TSPOAP1: variants seen among roughly 807,000 people sequenced by gnomAD.
TSPOAP1 encodes the protein peripheral-type benzodiazepine receptor-associated protein 1.
A neutral mutation model predicts 197.0 loss-of-function variants in TSPOAP1; 87 were observed. The observed-to-expected ratio is 0.44, with a 90% CI of 0.37 to 0.53. The LOEUF (loss-of-function observed/expected upper bound fraction) is 0.53. Ranked by LOEUF, TSPOAP1 falls within the 20% of genes least tolerant of loss-of-function variation. The pLI, the probability that TSPOAP1 is intolerant of heterozygous loss-of-function variation, is 0.00. For synonymous variants in TSPOAP1, 913 were observed against 998.9 expected, an observed-to-expected ratio of 0.91 and a Z score of 1.62; for missense variants, 2,174 against 2,411.3, an observed-to-expected ratio of 0.90 and a Z score of 2.06.
Position 58,322,072 on chromosome 17 carries a change from C to G in TSPOAP1, c.1422+236G>C. ...ATGACCTCTAAAGTGGCTCCTCACC[C>G]CATCCCAGTCACTTTGTCACATCAC... On this transcript the variant is annotated intron_variant, in intron 10 of 31. Coordinates refer to ENST00000343736, the MANE Select transcript of TSPOAP1 (RefSeq NM_004758.4). The surrounding 1 kb of genome is among the most constrained non-coding windows in gnomAD (Gnocchi z 5.0). 1 of 539,484 alleles carries G rather than the reference C, an allele frequency of 1.9e-6. No individual in the cohort carries two copies. Among genetic ancestry groups the G allele is most frequent in the Non-Finnish European group, 3.3e-6 (1 of 305,094 alleles). 33.4% of individuals were successfully genotyped at this position (539,484 alleles called of 1,614,324 possible).
Position 58,305,084 on chromosome 17 carries a change from T to C in TSPOAP1, c.5521A>G (p.Arg1841Gly). ...ACCTGACTCTCAGCCTGGGGTGTCC[T>C]GGGTTCCCTGTCCAGGCCGCCTGCC... ...PEAGGLDREP[R>G]TPQAESQRTR... The change falls in exon 30 of 32, where the codon AGG becomes GGG. Residue 1841 changes from arginine (R) to glycine (G), a missense_variant. By Grantham distance (125) the Arg-to-Gly change is moderately radical. Transcript: ENST00000343736. The C allele has an allele frequency of 1.2e-6, 2 of 1,613,926 alleles. No individual in the cohort carries two copies. The highest frequency in any genetic ancestry group is 1.7e-6 in the Non-Finnish European group (2 of 1,179,894).
In TSPOAP1 at chr17:58,323,312, G is replaced by A. The variant is rs754987164; in HGVS notation, c.1090C>T (p.Arg364Ter). The change falls in exon 7 of 32, where the codon CGA (arginine) becomes TGA (stop). Residue 364 changes from arginine (R) to a stop codon, truncating the protein, a stop_gained. Coordinates refer to ENST00000343736, the MANE Select transcript of TSPOAP1 (RefSeq NM_004758.4). LOFTEE classifies it high-confidence loss of function. ...CAAGAGCTCACCAGCTCCTCACATC[G>A]CCTCTGCTTTTTCCGGGCTTCCTGC... ...LEQEARKKQR[R>*]CEELELQLRQ... The A allele has an allele frequency of 5.6e-6, 9 of 1,614,082 alleles. No individual in the cohort carries two copies. Among genetic ancestry groups the A allele is most frequent in the Non-Finnish European group, 6.8e-6 (8 of 1,179,996 alleles).
chr17:58,318,977 C>A (rs921030094), intron 13 of TSPOAP1, 113 bp downstream of exon 13: 4 of 1,208,846 alleles, frequency 3.3e-6, no homozygotes, highest in East Asian at 2.6e-5. Flanking sequence ...ACAGCTCTAA[C>A]CTGCTGTGTG....
Position 58,304,218 on chromosome 17 carries a change from C to A in TSPOAP1, c.*32+120G>T. The A allele has an allele frequency of 1.2e-6, 1 of 813,202 alleles. No individual in the cohort carries two copies. The highest frequency in any genetic ancestry group is 1.7e-5 in the South Asian group (1 of 58,902). 50.4% of individuals were successfully genotyped at this position (813,202 alleles called of 1,614,324 possible). On this transcript the variant is annotated intron_variant, in intron 31 of 31. Transcript: ENST00000343736. The surrounding 1 kb of genome is among the most constrained non-coding windows in gnomAD (Gnocchi z 4.2). ...CTGGCTCATGGCAAGCTCTCCTTCG[C>A]CATTCCCTGGACTACAGTGGGAAAG... is the stretch of plus-strand genomic sequence containing the variant.
rs900750241 is a variant in TSPOAP1, at chr17:58,309,525, G to C, written c.3892-145C>G. 2 of 1,183,992 alleles carry C rather than the reference G, an allele frequency of 1.7e-6. No homozygotes were observed. The highest frequency in any genetic ancestry group is 5.7e-5 in the Admixed American group (2 of 34,866). The allele number at this position is 1,183,992 out of a possible 1,614,324, so 73.3% of individuals were successfully genotyped here. A position where few individuals can be genotyped will look rare whatever the true frequency, so the allele number is the denominator to read the frequency against. On this transcript the variant is annotated intron_variant, in intron 21 of 31. Transcript: ENST00000343736. This position sits in a 1 kb window ranked among gnomAD's most constrained non-coding sequence, Gnocchi z 5.0. ...GCCCTCCCACGGCTTCCTCCGAGAG[G>C]AGAGAACCAGAGGGACGGTGGCTGG...
At chr17:58,323,631 T>TCCCA in intron 5 of TSPOAP1, 86 bp from the exon 6 acceptor site, 1 of 1,381,234 alleles carries the variant, frequency 7.2e-7, no homozygotes, top group Non-Finnish European at 9.9e-7. Context: ...CAGAGCAGGT[T>TCCCA]CCCACCCCAT....
At chr17:58,321,301 T>C (rs767866673) in intron 10 of TSPOAP1, among the ~76,000 whole-genome samples, 11 of 76,380 alleles carry the variant, frequency 1.4e-4, no homozygotes, top group South Asian at 1.0e-3. Context: ...TTGTCAATTC[T>C]TTTTTTTTTT....
chr17:58,302,269 C>G lies in TSPOAP1; in HGVS notation c.*211G>C. On this transcript the variant is annotated 3_prime_UTR_variant, in exon 32 of 32. Coordinates refer to ENST00000343736, the MANE Select transcript of TSPOAP1 (RefSeq NM_004758.4). ...CTGCCTGCAGGATGGGCCACAGCTT[C>G]ACTCCTTCTTCCCAGAGCCCAGCCT... The G allele has an allele frequency of 7.8e-7, 1 of 1,289,622 alleles. No individual in the cohort carries two copies. Among genetic ancestry groups the G allele is most frequent in the South Asian group, 1.2e-5 (1 of 81,034 alleles). 79.9% of individuals were successfully genotyped at this position (1,289,622 alleles called of 1,614,324 possible). A position where few individuals can be genotyped will look rare whatever the true frequency, so the allele number is the denominator to read the frequency against.
In TSPOAP1 at chr17:58,307,915, C is replaced by G; in HGVS notation, c.4758G>C (p.Gly1586=). The G allele has an allele frequency of 6.2e-7, 1 of 1,613,042 alleles. No individual in the cohort carries two copies. The highest frequency in any genetic ancestry group is 8.5e-7 in the Non-Finnish European group (1 of 1,179,836). ...GGCCCCTCCGCCCAGAGCCGTCCTG[C>G]CCTCTGGCCTCTCCGGTCTCTGTTG... ...SRATETGEAR[G]QDGSGRRGPQ... The change falls in exon 23 of 32, where the codon GGG becomes GGC. Residue 1586 remains glycine (G), a synonymous_variant. Transcript: ENST00000343736.
At position 58,326,657 on chromosome 17, in the gene TSPOAP1, G is replaced by T. The variant is rs748470824; in HGVS notation, c.441+26C>A. The T allele has an allele frequency of 7.5e-6, 12 of 1,608,868 alleles. No homozygotes were observed. Among genetic ancestry groups the T allele is most frequent in the Non-Finnish European group, 1.0e-5 (12 of 1,175,692 alleles). On this transcript the variant is annotated intron_variant, in intron 2 of 31. Coordinates refer to ENST00000343736, the MANE Select transcript of TSPOAP1 (RefSeq NM_004758.4). This position sits in a 1 kb window ranked among gnomAD's most constrained non-coding sequence, Gnocchi z 4.7. ...CAGAGGGCCTGGCTCCAGCCAGAAC[G>T]CAGCACCCCAGTCTCCAAGCCTCAC...
rs576645125 is a variant in TSPOAP1 at position 58,309,757 on chromosome 17, A to G, written c.3891+210T>C. 4.6e-5 allele frequency among the ~76,000 whole-genome samples: 7 copies of G among 152,302 alleles called. No homozygotes were observed. The East Asian group carries it at 1.2e-3, about 25-fold the overall frequency. Reference sequence around the variant, plus strand: ...CTGGTGGGCTGGAGGGAGAGAAGGTACAGAAATGAACTCCTCCCCTTCCCC... The same window carrying G: ...CTGGTGGGCTGGAGGGAGAGAAGGTGCAGAAATGAACTCCTCCCCTTCCCC... On this transcript the variant is annotated intron_variant, in intron 21 of 31. Coordinates refer to ENST00000343736, the MANE Select transcript of TSPOAP1 (RefSeq NM_004758.4). This position sits in a 1 kb window ranked among gnomAD's most constrained non-coding sequence, Gnocchi z 5.0.
chr17:58,307,022 G>T, intron 24 of TSPOAP1, 54 bp from the exon 25 acceptor site: 2 of 1,562,384 alleles, frequency 1.3e-6, no homozygotes, highest in South Asian at 2.3e-5. Flanking sequence ...TATGCCCCTA[G>T]GCCCCGAACC....
rs1457622404 is a variant in TSPOAP1, at chr17:58,310,668, G to A, written c.3543C>T (p.Pro1181=). The change falls in exon 20 of 32, where the codon CCC becomes CCT. Residue 1181 remains proline (P), a synonymous_variant. Coordinates refer to ENST00000343736, the MANE Select transcript of TSPOAP1 (RefSeq NM_004758.4). ...TSTLGEKDPG[P]AAPSLAKQEA... Reference sequence around the variant, plus strand: ...CCTGCTTGGCCAGTGAGGGAGCTGCGGGGCCAGGGTCCTTCTCACCCAGGG... The same window carrying A: ...CCTGCTTGGCCAGTGAGGGAGCTGCAGGGCCAGGGTCCTTCTCACCCAGGG... 20 of 1,612,726 alleles carry A rather than the reference G, an allele frequency of 1.2e-5. No individual in the cohort carries two copies. The highest frequency in any genetic ancestry group is 2.2e-5 in the East Asian group (1 of 44,862).
chr17:58,310,178 G>A lies in TSPOAP1; in HGVS notation c.3700-20C>T. The A allele has an allele frequency of 1.2e-6, 2 of 1,607,266 alleles. No individual in the cohort carries two copies. Among genetic ancestry groups the A allele is most frequent in the Non-Finnish European group, 1.7e-6 (2 of 1,177,530 alleles). ...CTCCTTCTGCAAGAAGTGAGGCAAG[G>A]CAGGAGAGATAAGGACAGTGAGGGG... On this transcript the variant is annotated intron_variant, in intron 20 of 31. Transcript: ENST00000343736.
Position 58,328,079 on chromosome 17 carries a change from G to C in TSPOAP1, c.-159C>G. 1 of 690,994 alleles carries C rather than the reference G, an allele frequency of 1.4e-6. No homozygotes were observed. Among genetic ancestry groups the C allele is most frequent in the Non-Finnish European group, 2.4e-6 (1 of 421,288 alleles). 42.8% of individuals were successfully genotyped at this position (690,994 alleles called of 1,614,324 possible). ...GCTGAGCTCTTCCCCACCCACAAAG[G>C]AGGCTGCAGAAGGCGCCAGGGCTGC... On this transcript the variant is annotated 5_prime_UTR_variant, in exon 1 of 32. Coordinates refer to ENST00000343736, the MANE Select transcript of TSPOAP1 (RefSeq NM_004758.4). The surrounding 1 kb of genome is among the most constrained non-coding windows in gnomAD (Gnocchi z 4.3).
At position 58,309,019 on chromosome 17, in the gene TSPOAP1, C is replaced by T. The variant is rs749779228; in HGVS notation, c.4253G>A (p.Arg1418His). The change falls in exon 22 of 32, where the codon CGC (arginine) becomes CAC (histidine). Residue 1418 changes from arginine to histidine, a missense_variant. By Grantham distance (29) the Arg-to-His change is conservative (BLOSUM62 0). This residue lies in a region of TSPOAP1 where 1,933 missense variants were observed against 2,139.0 expected (regional missense o/e 0.90). Transcript: ENST00000343736. The surrounding 1 kb of genome is among the most constrained non-coding windows in gnomAD (Gnocchi z 5.0). The part of the protein sequence containing the change: ...GGGSPEKPPS[R>H]RRPPDPREHC... ...TTCTCGGGGATCTGGAGGCCGCCTG[C>T]GGCTTGGGGGCTTCTCAGGGGAGCC... 35 of 1,607,532 alleles carry T rather than the reference C, an allele frequency of 2.2e-5. No individual in the cohort carries two copies. The highest frequency in any genetic ancestry group is 1.7e-4 in the Admixed American group (10 of 59,722).
chr17:58,311,835 G>A (rs982775210), intron 17 of TSPOAP1, 57 bp downstream of exon 17: 13 of 1,485,368 alleles, frequency 8.8e-6, no homozygotes, highest in South Asian at 5.5e-5. Context: ...CCCTTCTTCC[G>A]TCACCCATGG....
Position 58,325,595 on chromosome 17 carries a change from T to A in TSPOAP1, c.689A>T (p.Gln230Leu). The A allele has an allele frequency of 1.2e-6, 2 of 1,613,596 alleles. No homozygotes were observed. Among genetic ancestry groups the A allele is most frequent in the Non-Finnish European group, 1.7e-6 (2 of 1,180,026 alleles). ...TASALLAKDK[Q>L]IAALQRECRE... The stretch of plus-strand genomic sequence containing the variant: ...GCACTCCCGCTGCAAGGCAGCAATC[T>A]GCTTGTCCTTGGCCAGCAGTGCACT... The change falls in exon 4 of 32, where the codon CAG becomes CTG. Residue 230 changes from glutamine to leucine, a missense_variant. By Grantham distance (113) the Gln-to-Leu change is moderately radical (BLOSUM62 -2). Transcript: ENST00000343736.
rs368301697 is a variant in TSPOAP1, at chr17:58,312,041, G to C, written c.2780C>G (p.Thr927Ser). Reference protein sequence around the residue: ...GEECPPASPSTYWATFCHLRP... With the variant: ...GEECPPASPSSYWATFCHLRP... The stretch of plus-strand genomic sequence containing the variant: ...TAAGTGGCAGAAGGTGGCCCAGTAG[G>C]TACTGGGGCTGGCAGGTGGGCACTC... Residue 927 changes from threonine (T) to serine (S), a missense_variant, in exon 17 of 32, where the codon ACC becomes AGC. By Grantham distance (58) the Thr-to-Ser change is moderately conservative. Transcript: ENST00000343736. The C allele has an allele frequency of 9.5e-5, 154 of 1,613,462 alleles. No individual in the cohort carries two copies. The highest frequency in any genetic ancestry group is 1.3e-4 in the Non-Finnish European group (151 of 1,179,970).
Sources: gnomAD v4.1 joint callset for allele counts (sites outside exome capture counted in the v4.1 genomes callset) on GRCh38, gnomAD v4.1.1 for gene constraint, gnomAD v4.1.1 regional missense constraint, Gnocchi (gnomAD v3.1) non-coding constraint, MANE v1.5 for transcripts, NCBI Gene and HGNC (gene_info 2026-07-23, HGNC 2026-07-21) for gene names.